PHKG1: variants seen among roughly 807,000 people sequenced by gnomAD.
PHKG1 encodes phosphorylase b kinase gamma catalytic chain, skeletal muscle/heart isoform.
PHKG1 carries 48 observed loss-of-function variants against 50.5 expected under a neutral mutation model. That is an observed-to-expected ratio of 0.95 (90% confidence interval 0.75 to 1.21). The LOEUF (loss-of-function observed/expected upper bound fraction) is 1.21, where lower values mean the gene tolerates loss of function less well. Ranked by LOEUF, PHKG1 falls within the 50% of genes most tolerant of loss-of-function variation. PHKG1 has a pLI of 0.00. For missense variants in PHKG1, 487 were observed against 519.5 expected (o/e 0.94, Z 0.61); for synonymous variants, 204 against 212.8 (o/e 0.96, Z 0.36).
In PHKG1 at chr7:56,081,106, A is replaced by G; in HGVS notation, c.1112T>C (p.Phe371Ser). 6.2e-7 allele frequency: 1 copy of G among 1,613,406 alleles called. No homozygotes were observed. The highest frequency in any genetic ancestry group is 8.5e-7 in the Non-Finnish European group (1 of 1,179,842). Reference sequence around the variant, plus strand: ...GAGCACGGCCTTGGGTGTGTTCTCGAAAAGGGCTGCCCGGTTCTGCTGCTG... The same window carrying G: ...GAGCACGGCCTTGGGTGTGTTCTCGGAAAGGGCTGCCCGGTTCTGCTGCTG... ...KGQQQNRAAL[F>S]ENTPKAVLLS... The change falls in exon 10 of 10, where the codon TTC (phenylalanine) becomes TCC (serine). Residue 371 changes from phenylalanine to serine, a missense_variant. Physicochemically the swap from Phe to Ser is radical, Grantham distance 155. Coordinates refer to ENST00000297373, the MANE Select transcript of PHKG1 (RefSeq NM_006213.5). This position sits in a 1 kb window ranked among gnomAD's most constrained non-coding sequence, Gnocchi z 4.6.
At chr7:56,082,557 C>G (rs1467796746) in intron 6 of PHKG1, among the ~76,000 whole-genome samples, 1 of 152,080 alleles carries the variant, frequency 6.6e-6, no homozygotes, top group African/African-American at 2.4e-5. Context: ...CGCCCCACTT[C>G]ACTCCAGCCT....
intron 1 of PHKG1, among the ~76,000 whole-genome samples, chr7:56,089,364 C>T (rs1435064934): frequency 1.3e-5 from 2 of 151,724 alleles, no homozygotes; most frequent in East Asian, 2.0e-4. Context: ...CGCATCACTG[C>T]CCTCCAGCCT....
chr7:56,082,069 C>G (rs755611668), intron 7 of PHKG1, 23 bp from the exon 8 acceptor site: 4 of 1,609,602 alleles, frequency 2.5e-6, no homozygotes, highest in Non-Finnish European at 3.4e-6. Context: ...GGGCCCAGGG[C>G]CACTTACCCA....
At position 56,089,511 on chromosome 7, in the gene PHKG1, C is replaced by T. The variant is rs567542113; in HGVS notation, c.-34-536G>A. ...GCCGGCTCAACCACCTGGGCTCAAGCGATCCTCACACCCTAGCCTCCTGAG... is the reference window on the plus strand; with the variant it reads ...GCCGGCTCAACCACCTGGGCTCAAGTGATCCTCACACCCTAGCCTCCTGAG... On this transcript the variant is annotated intron_variant, in intron 1 of 9. Coordinates refer to ENST00000297373, the MANE Select transcript of PHKG1 (RefSeq NM_006213.5). 7.2e-5 allele frequency among the ~76,000 whole-genome samples: 11 copies of T among 152,014 alleles called. No individual in the cohort carries two copies. The East Asian group carries it at 7.8e-4, about 11-fold the overall frequency.
chr7:56,084,704 G>A (rs1011214088), intron 4 of PHKG1, among the ~76,000 whole-genome samples: 1 of 152,068 alleles, frequency 6.6e-6, no homozygotes, highest in Admixed American at 6.6e-5. Context: ...GGAAACAAAT[G>A]GGAAGAATCG....
Position 56,082,056 on chromosome 7 carries a change from C to T in PHKG1, c.639-10G>A, listed in dbSNP as rs367729730. 865 of 1,611,132 alleles carry T rather than the reference C, an allele frequency of 5.4e-4. No homozygotes were observed. Among genetic ancestry groups the T allele is most frequent in the Non-Finnish European group, 6.7e-4 (785 of 1,177,850 alleles). On this transcript the variant is annotated splice_polypyrimidine_tract_variant and intron_variant, in intron 7 of 9. Coordinates refer to ENST00000297373, the MANE Select transcript of PHKG1 (RefSeq NM_006213.5). The stretch of plus-strand genomic sequence containing the variant: ...GACGCCAGTGCTCCACCTGGACATG[C>T]GAGGGCCCAGGGCCACTTACCCAGC...
chr7:56,092,420 G>A (rs1032212110), intron 1 of PHKG1, among the ~76,000 whole-genome samples: 5 of 152,124 alleles, frequency 3.3e-5, no homozygotes, highest in Admixed American at 3.3e-4. Flanking sequence ...CTACAGGCAC[G>A]AGCCATCATA....
chr7:56,084,720 G>A (rs577547978), intron 4 of PHKG1, among the ~76,000 whole-genome samples: 11 of 152,288 alleles, frequency 7.2e-5, no homozygotes, highest in African/African-American at 1.9e-4. Flanking sequence ...AATCGGCTGT[G>A]CAAGAGTTGC....
rs368804267 is a variant in PHKG1, at chr7:56,081,222, G to C, written c.996C>G (p.Ile332Met). The change falls in exon 10 of 10, where the codon ATC becomes ATG. Residue 332 changes from isoleucine to methionine, a missense_variant. Physicochemically the swap from Ile to Met is conservative, Grantham distance 10 (BLOSUM62 1). Coordinates refer to ENST00000297373, the MANE Select transcript of PHKG1 (RefSeq NM_006213.5). This position sits in a 1 kb window ranked among gnomAD's most constrained non-coding sequence, Gnocchi z 4.6. ...YRRVKPVTRE[I>M]VIRDPYALRP... ...GGAGGGCATAGGGGTCTCGGATGAC[G>C]ATCTCCCGGGTCACAGGCTTCACCC... is the stretch of plus-strand genomic sequence containing the variant. The C allele has an allele frequency of 1.6e-5, 26 of 1,613,628 alleles. No homozygotes were observed. The East Asian group carries it at 3.1e-4, about 19-fold the overall frequency.
chr7:56,089,045 T>A (rs1796388646), intron 1 of PHKG1, 70 bp from the exon 2 acceptor site: 3 of 707,740 alleles, frequency 4.2e-6, no homozygotes, highest in Non-Finnish European at 7.6e-6. Context: ...GGTCTGGAAC[T>A]GTTTCTCACT....
At chr7:56,085,664 T>C (rs1444855333) in intron 4 of PHKG1, among the ~76,000 whole-genome samples, 1 of 152,118 alleles carries the variant, frequency 6.6e-6, no homozygotes, top group African/African-American at 2.4e-5. Context: ...GTCAGTGAGA[T>C]CTTTTCAAAA....
intron 6 of PHKG1, 67 bp from the exon 7 acceptor site, chr7:56,082,320 C>A: frequency 7.9e-7 from 1 of 1,262,634 alleles, no homozygotes. Flanking sequence ...AGGCTGGCCG[C>A]AGTGGCTCAT....
At position 56,082,915 on chromosome 7, in the gene PHKG1, G is replaced by A. The variant is rs534258196; in HGVS notation, c.547+363C>T. Among the ~76,000 whole-genome samples, 140 of 152,108 alleles carry A rather than the reference G, an allele frequency of 9.2e-4. 1 individual carries two copies. The highest frequency in any genetic ancestry group is 1.5e-3 in the Non-Finnish European group (104 of 68,024). On this transcript the variant is annotated intron_variant, in intron 6 of 9. Transcript: ENST00000297373. ...AAGGTCAGGAGTTCGAGACCAGCCT[G>A]ACCAACATGGTGAAACCCTGTCTCT...
chr7:56,082,213 G>T lies in PHKG1; in HGVS notation c.588C>A (p.Ile196=), dbSNP rs763610501. The T allele has an allele frequency of 2.5e-5, 41 of 1,613,670 alleles. No homozygotes were observed. The highest frequency in any genetic ancestry group is 3.3e-5 in the Non-Finnish European group (39 of 1,180,008). The change falls in exon 7 of 10, where the codon ATC becomes ATA. Residue 196 remains isoleucine (I), a synonymous_variant. Coordinates refer to ENST00000297373, the MANE Select transcript of PHKG1 (RefSeq NM_006213.5). ...GGTGGTCCTCATTCATGGAGCACTC[G>T]ATAATCTCAGGGGCCAGGTAACTGG... ...GTPSYLAPEI[I]ECSMNEDHPG...
chr7:56,088,689 A>T, intron 2 of PHKG1, 170 bp downstream of exon 2: 1 of 537,760 alleles, frequency 1.9e-6, no homozygotes, highest in Non-Finnish European at 3.3e-6. Context: ...GGTTTCTCTT[A>T]TCTGTCCTGG....
chr7:56,082,216 A>T lies in PHKG1; in HGVS notation c.585T>A (p.Ile195=). ...GGTCCTCATTCATGGAGCACTCGATAATCTCAGGGGCCAGGTAACTGGGGG... is the reference window on the plus strand; with the variant it reads ...GGTCCTCATTCATGGAGCACTCGATTATCTCAGGGGCCAGGTAACTGGGGG... ...CGTPSYLAPE[I]IECSMNEDHP... Residue 195 remains isoleucine, a synonymous_variant, in exon 7 of 10, where the codon ATT becomes ATA. Transcript: ENST00000297373. 1 of 1,613,784 alleles carries T rather than the reference A, an allele frequency of 6.2e-7. No individual in the cohort carries two copies. Among genetic ancestry groups the T allele is most frequent in the East Asian group, 2.2e-5 (1 of 44,866 alleles).
In PHKG1 at chr7:56,081,354, C is replaced by T; in HGVS notation, c.919-55G>A. On this transcript the variant is annotated intron_variant, in intron 9 of 9. Coordinates refer to ENST00000297373, the MANE Select transcript of PHKG1 (RefSeq NM_006213.5). The surrounding 1 kb of genome is among the most constrained non-coding windows in gnomAD (Gnocchi z 4.6). ...CAGCCCCCGCCCTGCCAGGCCCTGC[C>T]CCTCCAGCACAGGGACGCTCTGGGC... The T allele has an allele frequency of 6.4e-7, 1 of 1,553,848 alleles. No individual in the cohort carries two copies. Among genetic ancestry groups the T allele is most frequent in the Non-Finnish European group, 8.6e-7 (1 of 1,156,356 alleles).
chr7:56,090,676 G>A (rs989642508), intron 1 of PHKG1, among the ~76,000 whole-genome samples: 29 of 152,102 alleles, frequency 1.9e-4, no homozygotes, highest in Non-Finnish European at 1.3e-4. Flanking sequence ...GCAGGTGTCC[G>A]GCAGGGGCTA....
At position 56,081,105 on chromosome 7, in the gene PHKG1, G is replaced by A. The variant is rs140495986; in HGVS notation, c.1113C>T (p.Phe371=). Residue 371 remains phenylalanine (F), a synonymous_variant, in exon 10 of 10, where the codon TTC becomes TTT. Transcript: ENST00000297373. The surrounding 1 kb of genome is among the most constrained non-coding windows in gnomAD (Gnocchi z 4.6). ...KGQQQNRAAL[F]ENTPKAVLLS... ...GGAGCACGGCCTTGGGTGTGTTCTC[G>A]AAAAGGGCTGCCCGGTTCTGCTGCT... 8.9e-5 allele frequency: 143 copies of A among 1,613,488 alleles called. 1 individual carries two copies. The highest frequency in any genetic ancestry group is 4.9e-4 in the South Asian group (45 of 91,060).
Sources: gnomAD v4.1 joint callset for allele counts (sites outside exome capture counted in the v4.1 genomes callset) on GRCh38, gnomAD v4.1.1 for gene constraint, Gnocchi (gnomAD v3.1) non-coding constraint, MANE v1.5 for transcripts, NCBI Gene and HGNC (gene_info 2026-07-23, HGNC 2026-07-21) for gene names.